ELMO1: variants seen among roughly 807,000 people sequenced by gnomAD.
ELMO1 encodes engulfment and cell motility 1, also known as engulfment and cell motility protein 1.
ELMO1 carries 26 observed loss-of-function variants against 98.9 expected under a neutral mutation model. The ratio of observed to expected loss-of-function variants is 0.26; its 90% CI spans 0.19 to 0.36. The LOEUF (loss-of-function observed/expected upper bound fraction) is 0.36. Among genes scored for constraint, ELMO1 ranks in the 10% least tolerant of loss-of-function variants. ELMO1 has a pLI of 1.00. For synonymous variants in ELMO1, 346 were observed against 346.0 expected, an observed-to-expected ratio of 1.00 and a Z score of 0.00; for missense variants, 627 against 935.2, an observed-to-expected ratio of 0.67 and a Z score of 4.30.
intron 18 of ELMO1, among the ~76,000 whole-genome samples, chr7:36,881,640 G>A (rs1205625757): frequency 6.6e-6 from 1 of 152,126 alleles, no homozygotes; most frequent in Non-Finnish European, 1.5e-5. Flanking sequence ...AGAATTTCGT[G>A]TTTCAATCTT....
chr7:37,204,119 T>A (rs187151329), intron 13 of ELMO1: 1 of 456,426 alleles, frequency 2.2e-6, no homozygotes, highest in Non-Finnish European at 4.4e-6. Context: ...CATTTGGCAA[T>A]AGGCATTAGT....
At chr7:37,156,400 A>G (rs537764184) in intron 13 of ELMO1, among the ~76,000 whole-genome samples, 13 of 152,330 alleles carry the variant, frequency 8.5e-5, no homozygotes, top group African/African-American at 3.1e-4. Context: ...TTTTGAAAAG[A>G]TCAACAAAAT....
chr7:36,918,209 C>T (rs537180307), intron 16 of ELMO1, among the ~76,000 whole-genome samples: 20 of 152,166 alleles, frequency 1.3e-4, no homozygotes, highest in African/African-American at 4.8e-4. Context: ...GTATGCATAA[C>T]TCAACTCCAT....
chr7:37,107,269 T>C (rs1211623494), intron 14 of ELMO1, among the ~76,000 whole-genome samples: 2 of 152,152 alleles, frequency 1.3e-5, no homozygotes, highest in Non-Finnish European at 2.9e-5. Flanking sequence ...TTGTTTGCAT[T>C]TTTCACAAGG....
Position 37,190,243 on chromosome 7 carries a change from G to A in ELMO1, c.1086+21143C>T, listed in dbSNP as rs997565248. ...AAATTACTTTGCTTCAGAGCAACAC[G>A]TTTCATTTGTTCTGCAGGTTGCATG... On this transcript the variant is annotated intron_variant, in intron 13 of 21. Coordinates refer to ENST00000310758, the MANE Select transcript of ELMO1 (RefSeq NM_014800.11). Among the ~76,000 whole-genome samples the A allele has an allele frequency of 5.3e-5, 8 of 152,230 alleles. No individual in the cohort carries two copies. In the East Asian group the frequency reaches 9.7e-4, roughly 18 times the overall value.
chr7:36,924,906 A>T (rs1248957955), intron 16 of ELMO1, among the ~76,000 whole-genome samples: 1 of 152,212 alleles, frequency 6.6e-6, no homozygotes, highest in Non-Finnish European at 1.5e-5. Context: ...TGTGGAGGAA[A>T]AAAAGCTGAT....
intron 6 of ELMO1, among the ~76,000 whole-genome samples, chr7:37,248,136 T>C (rs1293529413): frequency 6.7e-6 from 1 of 150,322 alleles, no homozygotes; most frequent in African/African-American, 2.5e-5. Context: ...AGATTATGCA[T>C]AAGGAGAAGA....
At chr7:37,375,462 C>T (rs913395560) in intron 1 of ELMO1, 6 of 672,764 alleles carry the variant, frequency 8.9e-6, no homozygotes, top group African/African-American at 5.3e-5. Flanking sequence ...CCGTGAGGTT[C>T]GAAGCAAGAT....
At chr7:36,957,255 G>C (rs151029136) in intron 16 of ELMO1, among the ~76,000 whole-genome samples, 1 of 136,550 alleles carries the variant, frequency 7.3e-6, no homozygotes, top group East Asian at 1.9e-4. Context: ...TGGAAAGCTT[G>C]AAGTTGCCTT....
At chr7:36,942,486 AG>A (rs1275889909) in intron 16 of ELMO1, among the ~76,000 whole-genome samples, 1 of 152,240 alleles carries the variant, frequency 6.6e-6, no homozygotes, top group Non-Finnish European at 1.5e-5. Context: ...TCTCTGTCTC[AG>A]GAGACAGGTG....
At chr7:37,041,751 T>G (rs1395902305) in intron 15 of ELMO1, among the ~76,000 whole-genome samples, 1 of 151,870 alleles carries the variant, frequency 6.6e-6, no homozygotes, top group Non-Finnish European at 1.5e-5. Flanking sequence ...CAAGAACACA[T>G]GAGTTAACGT....
At chr7:37,282,194 A>G (rs188439821) in intron 4 of ELMO1, among the ~76,000 whole-genome samples, 94 of 152,348 alleles carry the variant, frequency 6.2e-4, no homozygotes, top group African/African-American at 2.1e-3. Context: ...TAGCAAGGAC[A>G]ACAGGAGGTC....
At chr7:37,064,973 C>T (rs762538088) in intron 15 of ELMO1, among the ~76,000 whole-genome samples, 3 of 152,182 alleles carry the variant, frequency 2.0e-5, no homozygotes, top group Admixed American at 6.5e-5. Context: ...CACTGTTTAA[C>T]GACTGGCTAC....
chr7:37,197,984 G>A (rs575752931), intron 13 of ELMO1, among the ~76,000 whole-genome samples: 1 of 152,282 alleles, frequency 6.6e-6, no homozygotes, highest in South Asian at 2.1e-4. Context: ...TCCTGTCATG[G>A]ACAGTAATAT....
chr7:36,897,325 C>CGTGTGTGTGTGTGTGTGT (rs11267559), intron 16 of ELMO1, among the ~76,000 whole-genome samples: 21 of 46,994 alleles, frequency 4.5e-4, no homozygotes, highest in East Asian at 1.8e-3. Flanking sequence ...AGAAAACAGA[C>CGTGTGTGTGTGTGTGTGT]GTGTGTGTGT....
Position 37,289,199 on chromosome 7 carries a change from T to C in ELMO1, c.193-17317A>G, listed in dbSNP as rs189486150. Among the ~76,000 whole-genome samples, 951 of 152,310 alleles carry C rather than the reference T, an allele frequency of 6.2e-3. 39 individuals carry two copies. The highest frequency in any genetic ancestry group is 0.054 in the Admixed American group (822 of 15,290). ...ATCATAACAGAGTCTGGAACAATAGTGAAAATATCTATAAACTAAAGCTCA... is the reference window on the plus strand; with the variant it reads ...ATCATAACAGAGTCTGGAACAATAGCGAAAATATCTATAAACTAAAGCTCA... On this transcript the variant is annotated intron_variant, in intron 4 of 21. Transcript: ENST00000310758.
chr7:36,861,389 T>C (rs1176816756), intron 21 of ELMO1, among the ~76,000 whole-genome samples: 1 of 152,142 alleles, frequency 6.6e-6, no homozygotes, highest in Non-Finnish European at 1.5e-5. Flanking sequence ...GCCGCTTCTT[T>C]CTCTGGATTA....
intron 15 of ELMO1, among the ~76,000 whole-genome samples, chr7:37,049,415 C>T (rs996001924): frequency 1.3e-5 from 2 of 152,164 alleles, no homozygotes; most frequent in Non-Finnish European, 2.9e-5. Flanking sequence ...CTATGTGATG[C>T]GTCCAGCTCT....
chr7:37,222,663 A>G lies in ELMO1; in HGVS notation c.732T>C (p.Ile244=), dbSNP rs149414597. 21 of 1,613,936 alleles carry G rather than the reference A, an allele frequency of 1.3e-5. No homozygotes were observed. In the African/African-American group the frequency reaches 2.3e-4, roughly 17 times the overall value. ...TCAGGAAAAGCGCATTAATCACTGC[A>G]ATAGTATAGGTTTGGATTTCTTGAT... is the stretch of plus-strand genomic sequence containing the variant. ...GSDQEIQTYT[I]AVINALFLKA... is the part of the protein sequence containing the mutation. The change falls in exon 10 of 22, where the codon ATT becomes ATC. Residue 244 remains isoleucine, a synonymous_variant. Coordinates refer to ENST00000310758, the MANE Select transcript of ELMO1 (RefSeq NM_014800.11).
Sources: gnomAD v4.1 joint callset for allele counts (sites outside exome capture counted in the v4.1 genomes callset) on GRCh38, gnomAD v4.1.1 for gene constraint, MANE v1.5 for transcripts, NCBI Gene and HGNC (gene_info 2026-07-23, HGNC 2026-07-21) for gene names.